ZNF385D: variants seen among roughly 807,000 people sequenced by gnomAD.
The protein encoded by ZNF385D is zinc finger protein 659.
In ZNF385D, 15 loss-of-function variants were observed where a neutral mutation model predicts 35.8. The ratio of observed to expected loss-of-function variants is 0.42; its 90% CI spans 0.28 to 0.64. The LOEUF is 0.64. ZNF385D is among the 30% of genes least tolerant of loss of function. ZNF385D has a pLI of 0.23. For missense variants in ZNF385D, 474 were observed against 494.6 expected, an observed-to-expected ratio of 0.96 and a Z score of 0.39; for synonymous variants, 212 against 186.8, an observed-to-expected ratio of 1.13 and a Z score of -1.10.
intron 3 of ZNF385D, among the ~76,000 whole-genome samples, chr3:21,842,970 G>C (rs1277855690): frequency 2.6e-5 from 4 of 151,980 alleles, no homozygotes; most frequent in Non-Finnish European, 5.9e-5. Flanking sequence ...CATGCAGAAT[G>C]CTTGGTCCTT....
chr3:22,344,488 C>G (rs1409405578), intron 2 of ZNF385D, among the ~76,000 whole-genome samples: 1 of 152,144 alleles, frequency 6.6e-6, no homozygotes, highest in African/African-American at 2.4e-5. Flanking sequence ...CTCCCGGGCT[C>G]AAGTGATTCT....
intron 2 of ZNF385D, among the ~76,000 whole-genome samples, chr3:22,348,179 G>T (rs1575169393): frequency 6.6e-6 from 1 of 152,014 alleles, no homozygotes; most frequent in Admixed American, 6.6e-5. Flanking sequence ...TAAGCTCATT[G>T]TTACAAAGGC....
chr3:22,206,548 T>A (rs1418667095), intron 2 of ZNF385D, among the ~76,000 whole-genome samples: 1 of 151,216 alleles, frequency 6.6e-6, no homozygotes. Context: ...TCTTAAAACA[T>A]CCAGAAAAAA....
intron 2 of ZNF385D, among the ~76,000 whole-genome samples, chr3:22,346,355 A>G (rs1575166177): frequency 6.6e-6 from 1 of 152,246 alleles, no homozygotes; most frequent in Non-Finnish European, 1.5e-5. Flanking sequence ...GATTTTTTGA[A>G]GCACTGTACT....
At chr3:21,835,375 T>C (rs576685008) in intron 3 of ZNF385D, among the ~76,000 whole-genome samples, 106 of 151,940 alleles carry the variant, frequency 7.0e-4, no homozygotes, top group African/African-American at 2.1e-3. Flanking sequence ...TTAGGATGAG[T>C]TTTCCCTCCA....
At chr3:21,805,352 T>C (rs1032107197) in intron 3 of ZNF385D, among the ~76,000 whole-genome samples, 3 of 152,178 alleles carry the variant, frequency 2.0e-5, no homozygotes, top group Non-Finnish European at 4.4e-5. Flanking sequence ...TGCTTAGGTA[T>C]AGAAACAAGT....
At chr3:22,186,605 G>C (rs562314182) in intron 2 of ZNF385D, among the ~76,000 whole-genome samples, 3 of 151,784 alleles carry the variant, frequency 2.0e-5, no homozygotes, top group African/African-American at 7.3e-5. Flanking sequence ...GACTTTCCTT[G>C]TAAGTCTGTA....
At chr3:21,715,637 T>G (rs996394159) in intron 1 of ZNF385D, among the ~76,000 whole-genome samples, 2 of 152,114 alleles carry the variant, frequency 1.3e-5, no homozygotes, top group Non-Finnish European at 2.9e-5. Flanking sequence ...ATTGCTGGAT[T>G]GAATGGTAGT....
intron 3 of ZNF385D, among the ~76,000 whole-genome samples, chr3:21,919,495 A>G (rs1394476328): frequency 6.6e-6 from 1 of 152,216 alleles, no homozygotes; most frequent in African/African-American, 2.4e-5. Flanking sequence ...TCTCAATTCA[A>G]AAAAGGTAAG....
At chr3:21,605,049 A>G (rs2064435501) in intron 2 of ZNF385D, among the ~76,000 whole-genome samples, 1 of 152,142 alleles carries the variant, frequency 6.6e-6, no homozygotes, top group South Asian at 2.1e-4. Context: ...TAGAAGGGAG[A>G]ACTTAAATGG....
intron 1 of ZNF385D, among the ~76,000 whole-genome samples, chr3:21,747,730 G>C (rs1449195140): frequency 6.6e-6 from 1 of 152,176 alleles, no homozygotes; most frequent in Non-Finnish European, 1.5e-5. Flanking sequence ...TACCAGCACA[G>C]TCCTCTTAAC....
chr3:21,807,765 C>G (rs1470188201), intron 3 of ZNF385D, among the ~76,000 whole-genome samples: 1 of 152,126 alleles, frequency 6.6e-6, no homozygotes, highest in African/African-American at 2.4e-5. Flanking sequence ...ACATCAACTT[C>G]TATTTTTCAA....
rs374520897 is a variant in ZNF385D at position 21,816,315 on chromosome 3, G to A, written c.326-151287C>T. On this transcript the variant is annotated intron_variant, in intron 3 of 5. Coordinates refer to the ZNF385D transcript ENST00000494108. ...CACCACTCCTATGCAAAATAGTGTT[G>A]GAAGTTTGGGCCAGGGCAATCAGGC... Among the ~76,000 whole-genome samples the A allele has an allele frequency of 1.6e-4, 25 of 152,258 alleles. 1 individual carries two copies. Among genetic ancestry groups the A allele is most frequent in the Admixed American group, 9.8e-4 (15 of 15,298 alleles).
At chr3:21,870,519 T>C (rs1344733158) in intron 3 of ZNF385D, among the ~76,000 whole-genome samples, 1 of 152,192 alleles carries the variant, frequency 6.6e-6, no homozygotes, top group African/African-American at 2.4e-5. Context: ...AGCAGTAGTA[T>C]TACAATGTAT....
chr3:21,499,812 G>A (rs1706229876), intron 4 of ZNF385D, among the ~76,000 whole-genome samples: 1 of 152,062 alleles, frequency 6.6e-6, no homozygotes, highest in South Asian at 2.1e-4. Context: ...ATAAAATATT[G>A]TTAAGGCTAC....
chr3:21,611,242 G>A (rs2064667882), intron 2 of ZNF385D, among the ~76,000 whole-genome samples: 1 of 152,186 alleles, frequency 6.6e-6, no homozygotes, highest in Non-Finnish European at 1.5e-5. Flanking sequence ...TGGGGTTCAT[G>A]GGAGCCACCC....
At chr3:21,471,277 TCTCTCTCTCTCTCTCTCTCACACACA>T (rs1703874389) in intron 4 of ZNF385D, among the ~76,000 whole-genome samples, 28 of 23,416 alleles carry the variant, frequency 1.2e-3, no homozygotes, top group Non-Finnish European at 1.3e-3. Context: ...TCTCTCTTTC[TCTCTCTCTCTCTCTCTCTCACACACA>T]CACACACACA....
At chr3:22,365,688 C>A (rs867106716) in intron 2 of ZNF385D, among the ~76,000 whole-genome samples, 1 of 152,082 alleles carries the variant, frequency 6.6e-6, no homozygotes, top group African/African-American at 2.4e-5. Context: ...AATTCCTCAG[C>A]TTTTTACCAT....
intron 2 of ZNF385D, among the ~76,000 whole-genome samples, chr3:22,227,427 C>T (rs1365622978): frequency 6.6e-6 from 1 of 152,134 alleles, no homozygotes; most frequent in Admixed American, 6.6e-5. Flanking sequence ...AGGAATGCTT[C>T]CCAGAAAGAC....
Sources: gnomAD v4.1 joint callset for allele counts (sites outside exome capture counted in the v4.1 genomes callset) on GRCh38, gnomAD v4.1.1 for gene constraint, MANE v1.5 for transcripts, NCBI Gene and HGNC (gene_info 2026-07-23, HGNC 2026-07-21) for gene names.